Variants in SORCS2 observed in about 807,000 individuals in gnomAD.
SORCS2 encodes VPS10 domain-containing receptor SorCS2.
A neutral mutation model predicts 141.6 loss-of-function variants in SORCS2; 100 were observed. That is an observed-to-expected ratio of 0.71 (90% CI 0.60 to 0.83). SORCS2 has a LOEUF of 0.83. SORCS2 is among the 40% of genes least tolerant of loss of function. The pLI is 0.00. For missense variants in SORCS2, 1,646 were observed against 1,560.2 expected (o/e 1.05, Z -0.93); for synonymous variants, 789 against 676.9 (o/e 1.17, Z -2.57).
chr4:7,727,324 C>G (rs1192994079), intron 21 of SORCS2, among the ~76,000 whole-genome samples: 1 of 152,198 alleles, frequency 6.6e-6, no homozygotes, highest in Admixed American at 6.5e-5. Flanking sequence ...AACGCTGAGC[C>G]TCCTTTTCTG....
chr4:7,715,309 T>C lies in SORCS2; in HGVS notation c.2250T>C (p.Leu750=). ...TGGGCCAGACCTACACCAGCAGCCT[T>C]GGGTGAGTGTGGGTGCGGGCCTCTC... The part of the protein sequence containing the change: ...CALGQTYTSS[L]GYRKVVSNVC... The change falls in exon 17 of 27, where the codon CTT becomes CTC. Residue 750 remains leucine (L), a splice_region_variant and synonymous_variant. Transcript: ENST00000507866. The C allele has an allele frequency of 6.2e-7, 1 of 1,613,872 alleles. No homozygotes were observed. Among genetic ancestry groups the C allele is most frequent in the Non-Finnish European group, 8.5e-7 (1 of 1,179,796 alleles).
chr4:7,385,708 G>T (rs905923905), intron 1 of SORCS2, among the ~76,000 whole-genome samples: 2 of 152,222 alleles, frequency 1.3e-5, no homozygotes, highest in African/African-American at 4.8e-5. Flanking sequence ...CATGTGGTGA[G>T]GGACAGACGC....
Position 7,679,689 on chromosome 4 carries a change from T to C in SORCS2, c.1342-3054T>C, listed in dbSNP as rs1464510386. Among the ~76,000 whole-genome samples, 3 of 150,852 alleles carry C rather than the reference T, an allele frequency of 2.0e-5. No homozygotes were observed. The South Asian group carries it at 6.3e-4, about 32-fold the overall frequency. ...GCGCAGCCCTGCCCACGCCTTGAAT[T>C]TGGACTCTAGCCTCCAAGAGAATGA... On this transcript the variant is annotated intron_variant, in intron 9 of 26. Coordinates refer to ENST00000507866, the MANE Select transcript of SORCS2 (RefSeq NM_020777.3).
intron 1 of SORCS2, among the ~76,000 whole-genome samples, chr4:7,219,186 G>A (rs553482833): frequency 7.9e-5 from 12 of 151,994 alleles, no homozygotes; most frequent in Non-Finnish European, 1.8e-4. Flanking sequence ...GTGTGTGTGT[G>A]TCTGTTCATG....
chr4:7,387,648 C>T (rs1033981782), intron 1 of SORCS2, among the ~76,000 whole-genome samples: 1 of 135,658 alleles, frequency 7.4e-6, no homozygotes, highest in South Asian at 2.5e-4. Flanking sequence ...CACACATGCC[C>T]ACCATACACA....
chr4:7,677,867 T>G (rs902065667), intron 9 of SORCS2, among the ~76,000 whole-genome samples: 1 of 152,136 alleles, frequency 6.6e-6, no homozygotes, highest in African/African-American at 2.4e-5. Context: ...CCACCCCTAG[T>G]GTCCCAAAGG....
At chr4:7,673,898 C>G (rs112295541) in intron 8 of SORCS2, among the ~76,000 whole-genome samples, 1 of 152,184 alleles carries the variant, frequency 6.6e-6, no homozygotes, top group African/African-American at 2.4e-5. Flanking sequence ...TCTGACTGCA[C>G]GGTCTAATTC....
intron 1 of SORCS2, among the ~76,000 whole-genome samples, chr4:7,363,089 CACCATCACCACT>C (rs1721686531): frequency 6.7e-6 from 1 of 149,818 alleles, no homozygotes; most frequent in Admixed American, 6.6e-5. Context: ...TCATCATCAT[CACCATCACCACT>C]ACCATCACCA....
chr4:7,683,037 G>C, intron 10 of SORCS2, 148 bp downstream of exon 10: 1 of 1,062,096 alleles, frequency 9.4e-7, no homozygotes, highest in African/African-American at 1.6e-5. Flanking sequence ...GGTAGAGAGG[G>C]TCAAATGAAA....
intron 2 of SORCS2, among the ~76,000 whole-genome samples, chr4:7,475,784 G>C (rs140896219): frequency 2.4e-4 from 37 of 152,356 alleles, no homozygotes; most frequent in Non-Finnish European, 4.0e-4. Context: ...CTGGGGCCTG[G>C]CCCAGGCCTT....
chr4:7,293,302 T>TAAA (rs74517356), intron 1 of SORCS2, among the ~76,000 whole-genome samples: 1 of 127,588 alleles, frequency 7.8e-6, no homozygotes, highest in African/African-American at 2.9e-5. Flanking sequence ...AGACTCCATC[T>TAAA]AAAAAAAAAA....
At chr4:7,476,327 C>A (rs902663309) in intron 2 of SORCS2, among the ~76,000 whole-genome samples, 1 of 152,160 alleles carries the variant, frequency 6.6e-6, no homozygotes, top group African/African-American at 2.4e-5. Flanking sequence ...GTCAGGCCTG[C>A]AGGCTGGTAA....
intron 1 of SORCS2, among the ~76,000 whole-genome samples, chr4:7,334,403 A>G (rs1313018790): frequency 8.8e-6 from 1 of 113,510 alleles, no homozygotes; most frequent in Non-Finnish European, 1.9e-5. Context: ...CCCAGATTCC[A>G]CAGCCCCCCA....
intron 4 of SORCS2, among the ~76,000 whole-genome samples, chr4:7,645,447 G>T (rs950012539): frequency 6.6e-6 from 1 of 152,148 alleles, no homozygotes; most frequent in Non-Finnish European, 1.5e-5. Context: ...TTATGGGTGT[G>T]TTTGTGAGTA....
intron 2 of SORCS2, among the ~76,000 whole-genome samples, chr4:7,417,999 T>G (rs930287720): frequency 1.9e-4 from 29 of 152,158 alleles, no homozygotes; most frequent in African/African-American, 7.0e-4. Flanking sequence ...GGTGTCTGGC[T>G]CATCAGATGT....
At chr4:7,688,970 G>A (rs1405663688) in intron 10 of SORCS2, among the ~76,000 whole-genome samples, 1 of 152,210 alleles carries the variant, frequency 6.6e-6, no homozygotes, top group Non-Finnish European at 1.5e-5. Context: ...GCTGTCCTCT[G>A]ATGCCAGGGA....
intron 2 of SORCS2, among the ~76,000 whole-genome samples, chr4:7,507,602 C>T (rs1239470675): frequency 7.2e-5 from 11 of 152,304 alleles, no homozygotes; most frequent in East Asian, 1.9e-4. Context: ...CCAAGTGGCA[C>T]GAAAGTAGAC....
intron 3 of SORCS2, among the ~76,000 whole-genome samples, chr4:7,584,588 T>C (rs926867163): frequency 3.3e-5 from 5 of 152,154 alleles, no homozygotes; most frequent in African/African-American, 4.8e-5. Flanking sequence ...GTGACGAGTC[T>C]CTCTACTACT....
At chr4:7,570,209 C>G (rs1192167123) in intron 3 of SORCS2, among the ~76,000 whole-genome samples, 1 of 152,176 alleles carries the variant, frequency 6.6e-6, no homozygotes, top group Non-Finnish European at 1.5e-5. Flanking sequence ...TAGAACGCAG[C>G]CCGTCTGCTG....
Sources: allele counts gnomAD v4.1 joint callset (sites outside exome capture counted in the v4.1 genomes callset), GRCh38; gene constraint gnomAD v4.1.1; transcripts MANE v1.5; gene names NCBI Gene and HGNC (gene_info 2026-07-23, HGNC 2026-07-21).